Variants in DNAJC1 observed in about 807,000 individuals in gnomAD.
The protein encoded by DNAJC1 is DnaJ heat shock protein family (Hsp40) member C1, also known as dnaJ homolog subfamily C member 1.
Under a neutral mutation model 76.6 loss-of-function variants are expected in DNAJC1, and 58 were observed. That is an observed-to-expected ratio of 0.76 (90% CI 0.61 to 0.94). The LOEUF is 0.94. DNAJC1 is among the 40% of genes least tolerant of loss of function. DNAJC1 has a pLI of 0.00. For synonymous variants in DNAJC1, 258 were observed against 267.9 expected (o/e 0.96, Z 0.36); for missense variants, 689 against 677.3 (o/e 1.02, Z -0.19).
intron 9 of DNAJC1, among the ~76,000 whole-genome samples, chr10:21,786,666 G>A (rs1310736129): frequency 6.6e-6 from 1 of 151,906 alleles, no homozygotes; most frequent in East Asian, 1.9e-4. Context: ...AGTAGAGACA[G>A]AGTTTCACCA....
At chr10:21,782,556 C>A (rs539809161) in intron 9 of DNAJC1, among the ~76,000 whole-genome samples, 28 of 152,260 alleles carry the variant, frequency 1.8e-4, no homozygotes, top group Admixed American at 4.6e-4. Context: ...TTTTATGAGG[C>A]CAGCATCATC....
chr10:21,850,361 A>G (rs559749369), intron 8 of DNAJC1, among the ~76,000 whole-genome samples: 1 of 152,120 alleles, frequency 6.6e-6, no homozygotes, highest in African/African-American at 2.4e-5. Flanking sequence ...AATTCCATTT[A>G]CAACAGCATG....
At chr10:21,799,235 C>CT (rs1040624055) in intron 9 of DNAJC1, among the ~76,000 whole-genome samples, 15 of 152,082 alleles carry the variant, frequency 9.9e-5, no homozygotes, top group Non-Finnish European at 1.8e-4. Flanking sequence ...TAAACTATGT[C>CT]TTTTTACGTG....
At chr10:21,856,589 T>C (rs1835836581) in intron 8 of DNAJC1, among the ~76,000 whole-genome samples, 1 of 152,070 alleles carries the variant, frequency 6.6e-6, no homozygotes, top group African/African-American at 2.4e-5. Flanking sequence ...AGGCTTTTTT[T>C]CCTCCTAAGA....
intron 6 of DNAJC1, among the ~76,000 whole-genome samples, chr10:21,913,551 A>G (rs905171088): frequency 2.0e-5 from 3 of 152,342 alleles, no homozygotes; most frequent in East Asian, 3.9e-4. Flanking sequence ...GAAAATATGC[A>G]CAGAGCACTG....
chr10:21,782,633 A>G (rs1419384480), intron 9 of DNAJC1, among the ~76,000 whole-genome samples: 1 of 152,230 alleles, frequency 6.6e-6, no homozygotes, highest in Non-Finnish European at 1.5e-5. Context: ...CCTGATGAAC[A>G]TCGATGCAAA....
At chr10:21,792,916 T>A (rs1303135636) in intron 9 of DNAJC1, among the ~76,000 whole-genome samples, 1 of 152,162 alleles carries the variant, frequency 6.6e-6, no homozygotes, top group Non-Finnish European at 1.5e-5. Context: ...CATGTGATCA[T>A]CTCAATAGAT....
intron 8 of DNAJC1, among the ~76,000 whole-genome samples, chr10:21,828,030 ATTT>A (rs1461859340): frequency 6.6e-6 from 1 of 152,214 alleles, no homozygotes; most frequent in African/African-American, 2.4e-5. Flanking sequence ...CTCCAAAGGA[ATTT>A]TATTAATTTA....
At chr10:21,837,843 T>TGGGGGGCAGCCCCCGCCC (rs1835493226) in intron 8 of DNAJC1, among the ~76,000 whole-genome samples, 1 of 104,854 alleles carries the variant, frequency 9.5e-6, no homozygotes, top group Non-Finnish European at 2.2e-5. Flanking sequence ...AGCCCCCGCC[T>TGGGGGGCAGCCCCCGCCC]GGCCAGCCGC....
intron 9 of DNAJC1, among the ~76,000 whole-genome samples, chr10:21,774,634 C>G (rs1414868982): frequency 6.6e-6 from 1 of 152,146 alleles, no homozygotes; most frequent in African/African-American, 2.4e-5. Flanking sequence ...ACCACCATGC[C>G]CAGCTAATTT....
At chr10:21,792,875 A>G (rs2131635213) in intron 9 of DNAJC1, among the ~76,000 whole-genome samples, 1 of 152,302 alleles carries the variant, frequency 6.6e-6, no homozygotes, top group South Asian at 2.1e-4. Context: ...TTTATATACT[A>G]TGCCATATTA....
intron 9 of DNAJC1, among the ~76,000 whole-genome samples, chr10:21,774,811 G>T (rs772642888): frequency 6.6e-6 from 1 of 152,212 alleles, no homozygotes; most frequent in Non-Finnish European, 1.5e-5. Flanking sequence ...CAGACAAATA[G>T]ATTCCTAACA....
At chr10:21,915,012 T>C (rs1836929176) in intron 6 of DNAJC1, among the ~76,000 whole-genome samples, 1 of 152,202 alleles carries the variant, frequency 6.6e-6, no homozygotes. Flanking sequence ...TACCTGACAT[T>C]AAGGTCCTAG....
At chr10:21,825,880 T>C (rs1391880013) in intron 8 of DNAJC1, among the ~76,000 whole-genome samples, 4 of 152,180 alleles carry the variant, frequency 2.6e-5, no homozygotes, top group African/African-American at 9.6e-5. Flanking sequence ...GTTATGTTGT[T>C]GTTATTGAGT....
intron 6 of DNAJC1, among the ~76,000 whole-genome samples, chr10:21,914,741 T>C (rs968142333): frequency 2.0e-5 from 3 of 152,198 alleles, no homozygotes; most frequent in African/African-American, 7.2e-5. Flanking sequence ...CTTAACACAG[T>C]ATGATTTTAT....
intron 9 of DNAJC1, among the ~76,000 whole-genome samples, chr10:21,804,169 T>A (rs1834853747): frequency 6.6e-6 from 1 of 152,066 alleles, no homozygotes; most frequent in Admixed American, 6.6e-5. Context: ...AAAATACAGA[T>A]AAAAATTTAC....
intron 5 of DNAJC1, among the ~76,000 whole-genome samples, chr10:21,919,098 C>CT (rs1397865647): frequency 2.0e-5 from 3 of 151,920 alleles, no homozygotes; most frequent in Admixed American, 6.6e-5. Context: ...AGAATCTAGG[C>CT]TAAGATTTTG....
intron 6 of DNAJC1, among the ~76,000 whole-genome samples, chr10:21,908,274 A>T (rs1345461613): frequency 4.9e-5 from 6 of 122,636 alleles, no homozygotes; most frequent in Non-Finnish European, 1.6e-5. Context: ...TATATTTTAT[A>T]TATATATATA....
At chr10:21,764,335 C>T (rs1404436329) in intron 10 of DNAJC1, among the ~76,000 whole-genome samples, 5 of 152,194 alleles carry the variant, frequency 3.3e-5, no homozygotes, top group Non-Finnish European at 7.3e-5. Context: ...ATATCTCTCT[C>T]AAAATAACAA....
Sources: allele counts gnomAD v4.1 joint callset (sites outside exome capture counted in the v4.1 genomes callset), GRCh38; gene constraint gnomAD v4.1.1; transcripts MANE v1.5; gene names NCBI Gene and HGNC (gene_info 2026-07-23, HGNC 2026-07-21).